The following OSBP2 variants were observed in gnomAD, a reference collection of about 807,000 sequenced individuals.
The protein encoded by OSBP2 is oxysterol-binding protein 2.
Under a neutral mutation model 96.0 loss-of-function variants are expected in OSBP2, and 66 were observed. That is an observed-to-expected ratio of 0.69 (90% confidence interval 0.56 to 0.84). The LOEUF (loss-of-function observed/expected upper bound fraction) is 0.84, where lower values mean the gene tolerates loss of function less well. Among genes scored for constraint, OSBP2 ranks in the 40% least tolerant of loss-of-function variants. OSBP2 has a pLI of 0.00. For synonymous variants in OSBP2, 525 were observed against 520.9 expected, an observed-to-expected ratio of 1.01 and a Z score of -0.11; for missense variants, 1,038 against 1,222.7, an observed-to-expected ratio of 0.85 and a Z score of 2.25.
At chr22:30,868,334 C>A (rs1482638748) in intron 2 of OSBP2, among the ~76,000 whole-genome samples, 1 of 152,226 alleles carries the variant, frequency 6.6e-6, no homozygotes, top group Non-Finnish European at 1.5e-5. Context: ...GAAGAATAGC[C>A]ACTGTCTACT....
At chr22:30,721,360 C>T (rs895238641) in intron 1 of OSBP2, among the ~76,000 whole-genome samples, 3 of 152,184 alleles carry the variant, frequency 2.0e-5, no homozygotes, top group African/African-American at 7.2e-5. Flanking sequence ...GACTAGCTGC[C>T]CCATGGAGGC....
intron 2 of OSBP2, among the ~76,000 whole-genome samples, chr22:30,759,702 C>T (rs192749515): frequency 6.0e-4 from 92 of 152,244 alleles, no homozygotes; most frequent in Non-Finnish European, 8.1e-4. Context: ...AAAGAAGTTG[C>T]ATTCATAGTT....
At chr22:30,902,638 AGAG>A (rs915510026) in intron 12 of OSBP2, 7 of 621,680 alleles carry the variant, frequency 1.1e-5, no homozygotes, top group Non-Finnish European at 2.1e-5. Context: ...AAGAACCGAC[AGAG>A]GAGGGAAGAG....
chr22:30,766,976 T>G (rs1024041141), intron 2 of OSBP2, among the ~76,000 whole-genome samples: 1 of 151,786 alleles, frequency 6.6e-6, no homozygotes, highest in African/African-American at 2.4e-5. Context: ...TAGTTGCTGC[T>G]CCGTAAACGT....
chr22:30,851,811 A>C (rs1393725124), intron 2 of OSBP2, among the ~76,000 whole-genome samples: 2 of 152,146 alleles, frequency 1.3e-5, no homozygotes, highest in Non-Finnish European at 2.9e-5. Flanking sequence ...GATGCCTTTT[A>C]TAATGGTGAG....
rs2039404472 is a variant in OSBP2, at chr22:30,868,948, A to G, written c.854-1481A>G. Reference sequence around the variant, plus strand: ...GGTTACAGATTTTCTTCATCTAAAAATAGTTTTTAGCTGATTATTTCTAAA... The same window carrying G: ...GGTTACAGATTTTCTTCATCTAAAAGTAGTTTTTAGCTGATTATTTCTAAA... On this transcript the variant is annotated intron_variant, in intron 2 of 13. Transcript: ENST00000332585. Among the ~76,000 whole-genome samples, 3 of 152,384 alleles carry G rather than the reference A, an allele frequency of 2.0e-5. No individual in the cohort carries two copies. The South Asian group carries it at 6.2e-4, about 32-fold the overall frequency.
intron 3 of OSBP2, among the ~76,000 whole-genome samples, chr22:30,874,947 A>G (rs1281126540): frequency 6.6e-6 from 1 of 152,072 alleles, no homozygotes; most frequent in African/African-American, 2.4e-5. Context: ...ATCACTCCCC[A>G]GTGGGCTTTG....
intron 1 of OSBP2, among the ~76,000 whole-genome samples, chr22:30,735,978 A>T (rs1467367958): frequency 6.6e-6 from 1 of 151,790 alleles, no homozygotes; most frequent in Admixed American, 6.6e-5. Flanking sequence ...TGGTGGCACG[A>T]TCTCAGCTCA....
At chr22:30,700,806 C>T (rs1409838429) in intron 1 of OSBP2, among the ~76,000 whole-genome samples, 1 of 152,082 alleles carries the variant, frequency 6.6e-6, no homozygotes, top group Non-Finnish European at 1.5e-5. Context: ...AAGTCCTTGG[C>T]TGGGCACAGT....
At chr22:30,817,010 C>G (rs1003799001) in intron 2 of OSBP2, among the ~76,000 whole-genome samples, 22 of 152,196 alleles carry the variant, frequency 1.4e-4, no homozygotes, top group Admixed American at 1.4e-3. Context: ...GCTGAGATTA[C>G]AGGCATGAGC....
intron 2 of OSBP2, among the ~76,000 whole-genome samples, chr22:30,766,782 G>T (rs1267661997): frequency 6.6e-6 from 1 of 152,142 alleles, no homozygotes; most frequent in Non-Finnish European, 1.5e-5. Context: ...GGGAGTACCT[G>T]ACTGCCCATC....
intron 9 of OSBP2, 100 bp downstream of exon 9, chr22:30,893,342 C>T (rs2039995069): frequency 1.3e-6 from 2 of 1,558,772 alleles, no homozygotes; most frequent in Non-Finnish European, 1.8e-6. Flanking sequence ...CCAAGGGAGA[C>T]CTCCCTGTAG....
chr22:30,782,644 A>G (rs1170322529), intron 2 of OSBP2, among the ~76,000 whole-genome samples: 1 of 152,170 alleles, frequency 6.6e-6, no homozygotes, highest in East Asian at 1.9e-4. Context: ...GTGTGGACGC[A>G]CCACAGTGTA....
chr22:30,726,195 A>G (rs1444155694), intron 1 of OSBP2, among the ~76,000 whole-genome samples: 2 of 152,206 alleles, frequency 1.3e-5, no homozygotes, highest in African/African-American at 4.8e-5. Flanking sequence ...GTAAAAATGT[A>G]GAGATGTCAT....
At chr22:30,703,365 G>C (rs567476051) in intron 1 of OSBP2, among the ~76,000 whole-genome samples, 10 of 151,946 alleles carry the variant, frequency 6.6e-5, no homozygotes, top group African/African-American at 2.4e-4. Flanking sequence ...GTAGAGATGG[G>C]GTTTCACCAT....
At chr22:30,808,891 C>T (rs136254) in intron 2 of OSBP2, among the ~76,000 whole-genome samples, 75,179 of 151,920 alleles carry the variant, frequency 0.49, 19,542 homozygotes, top group African/African-American at 0.66. Flanking sequence ...AAGGTGGAGG[C>T]TGCAGTGAGC....
chr22:30,881,459 G>A lies in OSBP2; in HGVS notation c.1108-5967G>A, dbSNP rs562567842. ...TTCAGGACACAAATGTGCGGGTAGG[G>A]GGCTTCAGGTCAGCCCGTCTCTCCT... On this transcript the variant is annotated intron_variant, in intron 3 of 13. Coordinates refer to ENST00000332585, the MANE Select transcript of OSBP2 (RefSeq NM_030758.4). The surrounding 1 kb of genome is among the most constrained non-coding windows in gnomAD (Gnocchi z 4.5). 1.1e-4 allele frequency among the ~76,000 whole-genome samples: 16 copies of A among 152,144 alleles called. No individual in the cohort carries two copies. The highest frequency in any genetic ancestry group is 1.9e-4 in the Non-Finnish European group (13 of 68,006).
rs111314240 is a variant in OSBP2 at position 30,735,528 on chromosome 22, T to A, written c.645-5633T>A. On this transcript the variant is annotated intron_variant, in intron 1 of 13. Coordinates refer to ENST00000332585, the MANE Select transcript of OSBP2 (RefSeq NM_030758.4). ...GGTTTCACCATGTTGCCGAGACTGG[T>A]CGTGATCTCCTGGCCTCAAGTGATC... Among the ~76,000 whole-genome samples, 978 of 151,324 alleles carry A rather than the reference T, an allele frequency of 6.5e-3. 8 individuals are homozygous for A. The highest frequency in any genetic ancestry group is 0.022 in the African/African-American group (926 of 41,218).
chr22:30,719,302 C>G (rs1346594419), intron 1 of OSBP2, among the ~76,000 whole-genome samples: 2 of 152,040 alleles, frequency 1.3e-5, no homozygotes, highest in African/African-American at 4.8e-5. Flanking sequence ...TTGTCTGTTC[C>G]CTCCCAGAAG....
Sources: allele counts gnomAD v4.1 joint callset (sites outside exome capture counted in the v4.1 genomes callset), GRCh38; gene constraint gnomAD v4.1.1; non-coding constraint Gnocchi (gnomAD v3.1); transcripts MANE v1.5; gene names NCBI Gene and HGNC (gene_info 2026-07-23, HGNC 2026-07-21).